The following EPHA6 variants were observed in gnomAD, a reference collection of about 807,000 sequenced individuals.
EPHA6 encodes EPH receptor A6.
EPHA6 carries 50 observed loss-of-function variants against 112.0 expected under a neutral mutation model. That is an observed-to-expected ratio of 0.45 (90% CI 0.36 to 0.56). EPHA6 has a LOEUF of 0.56. Among genes scored for constraint, EPHA6 ranks in the 20% least tolerant of loss-of-function variants. The pLI is 0.00. For synonymous variants in EPHA6, 529 were observed against 490.7 expected (o/e 1.08, Z -1.03); for missense variants, 1,280 against 1,417.4 (o/e 0.90, Z 1.56).
intron 7 of EPHA6, among the ~76,000 whole-genome samples, chr3:97,452,760 A>G (rs576033108): frequency 0.033 from 732 of 22,008 alleles, 7 homozygotes; most frequent in African/African-American, 0.077. Context: ...CATTAACCAT[A>G]ACACATATCC....
chr3:97,093,572 A>G (rs112470842), intron 3 of EPHA6, among the ~76,000 whole-genome samples: 1 of 152,044 alleles, frequency 6.6e-6, no homozygotes, highest in Non-Finnish European at 1.5e-5. Context: ...AATAAAAATA[A>G]ACGGGATAAT....
chr3:96,862,406 C>T (rs1017544892), intron 1 of EPHA6, among the ~76,000 whole-genome samples: 18 of 151,774 alleles, frequency 1.2e-4, no homozygotes, highest in African/African-American at 4.3e-4. Flanking sequence ...GGAAGAAACC[C>T]CTTACTTTTT....
rs563720660 is a variant in EPHA6, at chr3:97,609,025, G to A, written c.2513-1768G>A. On this transcript the variant is annotated intron_variant, in intron 12 of 17. Transcript: ENST00000389672. ...TGGCATGTAGCAATACAAGTGGAAT[G>A]CTTGCAAGCTCTTTTTATTCTAGTA... Among the ~76,000 whole-genome samples the A allele has an allele frequency of 4.0e-5, 6 of 151,456 alleles. No individual in the cohort carries two copies. In the East Asian group the frequency reaches 7.7e-4, roughly 20 times the overall value.
At position 97,677,951 on chromosome 3, in the gene EPHA6, T is replaced by G. The variant is rs537734275; in HGVS notation, c.2784+39869T>G. Reference sequence around the variant, plus strand: ...TGAATTAAGGGGACATTAATTCGTATTAATGTTCACATTCAGGACAAGATG... The same window carrying G: ...TGAATTAAGGGGACATTAATTCGTAGTAATGTTCACATTCAGGACAAGATG... On this transcript the variant is annotated intron_variant, in intron 14 of 17. Coordinates refer to ENST00000389672, the MANE Select transcript of EPHA6 (RefSeq NM_001080448.3). 1.3e-4 allele frequency among the ~76,000 whole-genome samples: 20 copies of G among 152,256 alleles called. No individual in the cohort carries two copies. The East Asian group carries it at 3.7e-3, about 28-fold the overall frequency.
chr3:96,829,083 A>C (rs147024353), intron 1 of EPHA6, among the ~76,000 whole-genome samples: 34 of 152,228 alleles, frequency 2.2e-4, no homozygotes, highest in African/African-American at 7.2e-4. Context: ...CAACTTTATA[A>C]TGGTTGTGAA....
intron 3 of EPHA6, among the ~76,000 whole-genome samples, chr3:97,187,159 G>A (rs1354792040): frequency 6.6e-6 from 1 of 151,938 alleles, no homozygotes; most frequent in Non-Finnish European, 1.5e-5. Flanking sequence ...TTAGTCCTGT[G>A]GCTCTTTTTA....
chr3:97,548,716 C>G (rs1399198315), intron 11 of EPHA6, among the ~76,000 whole-genome samples: 1 of 152,076 alleles, frequency 6.6e-6, no homozygotes, highest in African/African-American at 2.4e-5. Flanking sequence ...GTGTAATATT[C>G]CTTTGTACGC....
chr3:97,058,292 T>TG (rs978988762), intron 3 of EPHA6, among the ~76,000 whole-genome samples: 4 of 151,868 alleles, frequency 2.6e-5, no homozygotes, highest in Admixed American at 1.3e-4. Context: ...AAGGAGTTTT[T>TG]TTTTTGTTGT....
intron 4 of EPHA6, among the ~76,000 whole-genome samples, chr3:97,231,769 G>A (rs1188661905): frequency 1.3e-5 from 2 of 152,140 alleles, no homozygotes; most frequent in Non-Finnish European, 2.9e-5. Flanking sequence ...AGTATCTCAG[G>A]TAATCCCTAG....
At chr3:97,594,695 G>A (rs2093572466) in intron 12 of EPHA6, among the ~76,000 whole-genome samples, 1 of 152,042 alleles carries the variant, frequency 6.6e-6, no homozygotes. Context: ...ATCATGAGAA[G>A]TTTTTATTAT....
chr3:97,655,479 A>G (rs185978880), intron 14 of EPHA6, among the ~76,000 whole-genome samples: 1 of 151,962 alleles, frequency 6.6e-6, no homozygotes, highest in African/African-American at 2.4e-5. Context: ...ATGGGTGCAT[A>G]GTATTCCATG....
chr3:97,257,071 G>C (rs927905188), intron 5 of EPHA6, among the ~76,000 whole-genome samples: 1 of 151,798 alleles, frequency 6.6e-6, no homozygotes, highest in African/African-American at 2.4e-5. Flanking sequence ...AAACTAATGA[G>C]AAAGTTCATC....
intron 2 of EPHA6, among the ~76,000 whole-genome samples, chr3:96,889,905 T>C (rs2037854735): frequency 6.6e-6 from 1 of 152,120 alleles, no homozygotes; most frequent in Non-Finnish European, 1.5e-5. Context: ...ATTTACAAGA[T>C]GGTATTGCAA....
intron 5 of EPHA6, among the ~76,000 whole-genome samples, chr3:97,291,451 A>G (rs1409070021): frequency 2.6e-5 from 4 of 152,136 alleles, no homozygotes; most frequent in African/African-American, 7.2e-5. Context: ...GTGGGTGTTG[A>G]GGTCCCCACC....
intron 2 of EPHA6, among the ~76,000 whole-genome samples, chr3:96,887,141 T>TG (rs150995795): frequency 0.013 from 2,047 of 152,068 alleles, 50 homozygotes; most frequent in African/African-American, 0.045. Flanking sequence ...GTGATTTGGT[T>TG]GGGGGGGCGA....
At chr3:97,478,037 T>G (rs1011320973) in intron 8 of EPHA6, among the ~76,000 whole-genome samples, 1 of 152,124 alleles carries the variant, frequency 6.6e-6, no homozygotes, top group Admixed American at 6.5e-5. Context: ...AGGGTACATG[T>G]GCACACATAT....
At chr3:97,092,249 A>C (rs1251104264) in intron 3 of EPHA6, among the ~76,000 whole-genome samples, 2 of 152,092 alleles carry the variant, frequency 1.3e-5, no homozygotes, top group Non-Finnish European at 2.9e-5. Flanking sequence ...GTCTATACCC[A>C]GATCTTATTC....
At chr3:96,815,088 A>G (rs1021860395) in intron 1 of EPHA6, 80 bp downstream of exon 1, 23 of 1,380,108 alleles carry the variant, frequency 1.7e-5, no homozygotes, top group African/African-American at 2.9e-5. Context: ...TGCCTCCTGC[A>G]GGTAACTTTG....
At chr3:97,204,904 A>G (rs1408210026) in intron 3 of EPHA6, among the ~76,000 whole-genome samples, 1 of 152,232 alleles carries the variant, frequency 6.6e-6, no homozygotes, top group Non-Finnish European at 1.5e-5. Context: ...AGAAGATATG[A>G]TCTTCCTAAG....
Sources: gnomAD v4.1 joint callset for allele counts (sites outside exome capture counted in the v4.1 genomes callset) on GRCh38, gnomAD v4.1.1 for gene constraint, MANE v1.5 for transcripts, NCBI Gene and HGNC (gene_info 2026-07-23, HGNC 2026-07-21) for gene names.